Variants in IQSEC1 observed in about 807,000 individuals in gnomAD.
IQSEC1 encodes IQ motif and Sec7 domain ArfGEF 1, also known as IQ motif and SEC7 domain-containing protein 1.
IQSEC1 carries 31 observed loss-of-function variants against 91.0 expected under a neutral mutation model. That is an observed-to-expected ratio of 0.34 (90% CI 0.26 to 0.46). The LOEUF (loss-of-function observed/expected upper bound fraction) is 0.46. IQSEC1 is among the 20% of genes least tolerant of loss of function. The pLI, the probability that IQSEC1 is intolerant of heterozygous loss-of-function variation, is 1.00. For missense variants in IQSEC1, 1,388 were observed against 1,575.6 expected (o/e 0.88, Z 2.02); for synonymous variants, 699 against 662.6 (o/e 1.05, Z -0.84).
At chr3:13,267,865 C>A (rs1695523863) in intron 1 of IQSEC1, among the ~76,000 whole-genome samples, 1 of 152,064 alleles carries the variant, frequency 6.6e-6, no homozygotes, top group African/African-American at 2.4e-5. Flanking sequence ...GATCCACCCG[C>A]CTCGGCCTCC....
chr3:13,004,109 T>C (rs1449794290), intron 1 of IQSEC1, among the ~76,000 whole-genome samples: 1 of 152,216 alleles, frequency 6.6e-6, no homozygotes, highest in African/African-American at 2.4e-5. Flanking sequence ...TGTTGGGACC[T>C]TGAATAAATC....
intron 1 of IQSEC1, among the ~76,000 whole-genome samples, chr3:13,222,201 C>T (rs1013662297): frequency 7.1e-6 from 1 of 140,594 alleles, no homozygotes; most frequent in African/African-American, 2.6e-5. Flanking sequence ...AATGTGACTA[C>T]TCCAGGGACC....
chr3:13,185,520 G>A (rs918984705), intron 1 of IQSEC1, among the ~76,000 whole-genome samples: 3 of 152,230 alleles, frequency 2.0e-5, no homozygotes, highest in Admixed American at 1.3e-4. Context: ...AGATATTTCA[G>A]TGTGAAGGCA....
Position 12,902,764 on chromosome 3 carries a change from C to T in IQSEC1, c.2805+9G>A, listed in dbSNP as rs374929163. On this transcript the variant is annotated intron_variant, in intron 13 of 13. Coordinates refer to ENST00000613206, the MANE Select transcript of IQSEC1 (RefSeq NM_001134382.3). ...GACAGCCAGCTGGACAGAGGCGCTT[C>T]CTACTTACTTCCACATTGCTCTCTA... 1.2e-6 allele frequency: 2 copies of T among 1,604,258 alleles called. No individual in the cohort carries two copies. The highest frequency in any genetic ancestry group is 1.1e-5 in the South Asian group (1 of 90,866).
At chr3:13,135,182 G>A (rs1010359270) in intron 2 of IQSEC1, among the ~76,000 whole-genome samples, 1 of 152,200 alleles carries the variant, frequency 6.6e-6, no homozygotes, top group Non-Finnish European at 1.5e-5. Flanking sequence ...GACTCCTTGG[G>A]GTGCTCAAAC....
At position 13,022,553 on chromosome 3, in the gene IQSEC1, A is replaced by G. The variant is rs139024038; in HGVS notation, c.23+50439T>C. ...GAGCCCAGGGGCTGGCCCTGCGTCCAGAGGCTGGCCTGGGATGGGAGAGGC... is the reference window on the plus strand; with the variant it reads ...GAGCCCAGGGGCTGGCCCTGCGTCCGGAGGCTGGCCTGGGATGGGAGAGGC... On this transcript the variant is annotated intron_variant, in intron 1 of 13. Coordinates refer to ENST00000613206, the MANE Select transcript of IQSEC1 (RefSeq NM_001134382.3). 725 of 770,174 alleles carry G rather than the reference A, an allele frequency of 9.4e-4. 23 individuals carry two copies. The East Asian group carries it at 0.068, about 72-fold the overall frequency. The allele number at this position is 770,174 out of a possible 1,614,324, so 47.7% of individuals were successfully genotyped here.
At chr3:12,990,987 AGTTCTC>A (rs540606878) in intron 1 of IQSEC1, among the ~76,000 whole-genome samples, 68 of 152,306 alleles carry the variant, frequency 4.5e-4, no homozygotes, top group Admixed American at 1.5e-3. Flanking sequence ...TCTGAGTCAC[AGTTCTC>A]TAAGTCACTG....
chr3:13,240,272 A>C (rs972354216), intron 1 of IQSEC1, among the ~76,000 whole-genome samples: 1 of 152,188 alleles, frequency 6.6e-6, no homozygotes, highest in African/African-American at 2.4e-5. Context: ...CTACAGTCCC[A>C]GGTACTCAGG....
intron 2 of IQSEC1, among the ~76,000 whole-genome samples, chr3:13,105,655 C>G (rs899595600): frequency 6.6e-6 from 1 of 152,130 alleles, no homozygotes; most frequent in Non-Finnish European, 1.5e-5. Context: ...TCTAAGAGTC[C>G]CCCTAGAGCC....
At chr3:13,220,217 G>A (rs941186600) in intron 1 of IQSEC1, among the ~76,000 whole-genome samples, 2 of 152,266 alleles carry the variant, frequency 1.3e-5, no homozygotes, top group African/African-American at 2.4e-5. Context: ...GCAAACTGGA[G>A]AGCCAGCCTG....
rs191681804 is a variant in IQSEC1 at position 13,203,555 on chromosome 3, G to A, written c.273-39422C>T. Among the ~76,000 whole-genome samples, 213 of 152,220 alleles carry A rather than the reference G, an allele frequency of 1.4e-3. 1 individual carries two copies. The highest frequency in any genetic ancestry group is 4.8e-3 in the African/African-American group (198 of 41,544). ...GGAACAGGAGGTCTGCAGGGTGCCC[G>A]GGACACAGGAAACACACCGGAGAGG... On this transcript the variant is annotated intron_variant, in intron 1 of 15. Coordinates refer to the IQSEC1 transcript ENST00000648114.
At chr3:13,040,999 A>C (rs1704240714) in intron 1 of IQSEC1, among the ~76,000 whole-genome samples, 1 of 151,600 alleles carries the variant, frequency 6.6e-6, no homozygotes, top group Non-Finnish European at 1.5e-5. Context: ...GAGAGATTGC[A>C]TCTCGAGACA....
chr3:12,900,815 C>T lies in IQSEC1; in HGVS notation c.*168G>A. ...AAATGAAATCTGGGCCTTTGTTCCACACAACACCAGCCCTGTGGGCTCCTG... is the reference window on the plus strand; with the variant it reads ...AAATGAAATCTGGGCCTTTGTTCCATACAACACCAGCCCTGTGGGCTCCTG... On this transcript the variant is annotated 3_prime_UTR_variant, in exon 14 of 14. Coordinates refer to ENST00000613206, the MANE Select transcript of IQSEC1 (RefSeq NM_001134382.3). 5.4e-6 allele frequency: 8 copies of T among 1,480,164 alleles called. No homozygotes were observed. The highest frequency in any genetic ancestry group is 6.2e-6 in the Non-Finnish European group (7 of 1,121,212). The allele number at this position is 1,480,164 out of a possible 1,614,324, so 91.7% of individuals were successfully genotyped here. A position where few individuals can be genotyped will look rare whatever the true frequency, so the allele number is the denominator to read the frequency against.
At chr3:12,931,869 GC>G (rs2125273301) in intron 3 of IQSEC1, among the ~76,000 whole-genome samples, 1 of 152,326 alleles carries the variant, frequency 6.6e-6, no homozygotes, top group East Asian at 1.9e-4. Context: ...GGCCTCAGAG[GC>G]CCCTGTGGAA....
chr3:12,937,057 C>G (rs185989322), intron 2 of IQSEC1, among the ~76,000 whole-genome samples: 3 of 152,152 alleles, frequency 2.0e-5, no homozygotes, highest in African/African-American at 4.8e-5. Context: ...CTCAACCTCC[C>G]GAGTAGCTGG....
At chr3:13,201,185 C>A (rs958500754) in intron 1 of IQSEC1, among the ~76,000 whole-genome samples, 1 of 152,216 alleles carries the variant, frequency 6.6e-6, no homozygotes, top group African/African-American at 2.4e-5. Flanking sequence ...CTCAAGGCCA[C>A]ATGGCCAGGA....
chr3:13,172,860 G>A (rs1430053706), intron 1 of IQSEC1, among the ~76,000 whole-genome samples: 1 of 152,160 alleles, frequency 6.6e-6, no homozygotes, highest in Non-Finnish European at 1.5e-5. Flanking sequence ...TCACATCTGG[G>A]CCTCAGTGTT....
rs141163963 is a variant in IQSEC1 at position 12,915,674 on chromosome 3, G to T, written c.2080C>A (p.Arg694Ser). 1.9e-6 allele frequency: 3 copies of T among 1,614,154 alleles called. No homozygotes were observed. Among genetic ancestry groups the T allele is most frequent in the Non-Finnish European group, 2.5e-6 (3 of 1,180,020 alleles). Residue 694 changes from arginine to serine, a missense_variant, in exon 7 of 14, where the codon CGT (arginine) becomes AGT (serine). By Grantham distance (110) the Arg-to-Ser change is moderately radical. This residue lies in a region of IQSEC1 where 1,059 missense variants were observed against 1,317.8 expected (regional missense o/e 0.80). Transcript: ENST00000613206. ...EMLMGIYERI[R>S]KRELKTNEDH... ...TCATTGGTCTTTAGCTCTCGCTTAC[G>T]GATCCGTTCATAGATCCCCATCAGC... is the stretch of plus-strand genomic sequence containing the variant.
intron 1 of IQSEC1, among the ~76,000 whole-genome samples, chr3:13,197,425 T>A (rs1325168714): frequency 6.6e-6 from 1 of 152,096 alleles, no homozygotes. Context: ...GACGTGCTGG[T>A]GCCCGGCCCC....
Sources: gnomAD v4.1 joint callset for allele counts (sites outside exome capture counted in the v4.1 genomes callset) on GRCh38, gnomAD v4.1.1 for gene constraint, gnomAD v4.1.1 regional missense constraint, MANE v1.5 for transcripts, NCBI Gene and HGNC (gene_info 2026-07-23, HGNC 2026-07-21) for gene names.